The following RBFOX1 variants were observed in gnomAD, a reference collection of about 807,000 sequenced individuals.
RBFOX1 encodes RNA binding protein fox-1 homolog 1.
RBFOX1 carries 8 observed loss-of-function variants against 57.7 expected under a neutral mutation model. That is an observed-to-expected ratio of 0.14 (90% CI 0.08 to 0.25). RBFOX1 has a LOEUF of 0.25. Ranked by LOEUF, RBFOX1 falls within the 10% of genes least tolerant of loss-of-function variation. RBFOX1 has a pLI of 1.00. For missense variants in RBFOX1, 611 were observed against 548.5 expected (o/e 1.11, Z -1.14); for synonymous variants, 326 against 222.4 (o/e 1.47, Z -4.15).
At chr16:6,062,281 T>C (rs13338605) in intron 1 of RBFOX1, among the ~76,000 whole-genome samples, 3,582 of 143,522 alleles carry the variant, frequency 0.025, 148 homozygotes, top group African/African-American at 0.096. Context: ...GGTGATCAAC[T>C]CCATCTTTAG....
At chr16:6,561,082 C>A (rs1253556648) in intron 2 of RBFOX1, among the ~76,000 whole-genome samples, 1 of 152,132 alleles carries the variant, frequency 6.6e-6, no homozygotes, top group Non-Finnish European at 1.5e-5. Flanking sequence ...AGCTGTTTTT[C>A]ATTAGTGCTG....
intron 3 of RBFOX1, among the ~76,000 whole-genome samples, chr16:5,692,945 A>G (rs1284927950): frequency 1.3e-5 from 2 of 152,240 alleles, no homozygotes; most frequent in Non-Finnish European, 2.9e-5. Context: ...TCTGAGACAG[A>G]AGCATTTAGA....
chr16:5,336,338 C>A (rs1414757146), intron 1 of RBFOX1, among the ~76,000 whole-genome samples: 1 of 152,122 alleles, frequency 6.6e-6, no homozygotes, highest in Non-Finnish European at 1.5e-5. Context: ...ACAGGCTGTT[C>A]CTCATTATTT....
chr16:6,248,940 T>C (rs1165644423), intron 1 of RBFOX1, among the ~76,000 whole-genome samples: 1 of 152,136 alleles, frequency 6.6e-6, no homozygotes, highest in Non-Finnish European at 1.5e-5. Context: ...CTGGGTGCTT[T>C]CTATGTACGA....
chr16:7,393,670 C>G (rs2098086104), intron 4 of RBFOX1, among the ~76,000 whole-genome samples: 2 of 152,106 alleles, frequency 1.3e-5, no homozygotes, highest in South Asian at 4.1e-4. Flanking sequence ...CTGGATTATT[C>G]ATTGTGCCAA....
At chr16:6,875,901 G>C (rs1350989866) in intron 3 of RBFOX1, among the ~76,000 whole-genome samples, 2 of 152,300 alleles carry the variant, frequency 1.3e-5, no homozygotes, top group South Asian at 2.1e-4. Flanking sequence ...GAAGGGCTGA[G>C]GTGGGAGGAT....
At chr16:6,783,586 C>G (rs771678371) in intron 3 of RBFOX1, among the ~76,000 whole-genome samples, 1 of 151,944 alleles carries the variant, frequency 6.6e-6, no homozygotes, top group Non-Finnish European at 1.5e-5. Context: ...CTATCTCTGT[C>G]TTTTTTACTG....
chr16:5,791,492 A>T (rs560637929), intron 3 of RBFOX1, among the ~76,000 whole-genome samples: 1 of 152,138 alleles, frequency 6.6e-6, no homozygotes, highest in African/African-American at 2.4e-5. Flanking sequence ...GTAATGGTCT[A>T]TCGTGTTCAT....
intron 2 of RBFOX1, among the ~76,000 whole-genome samples, chr16:6,634,078 TAC>T (rs766851606): frequency 4.1e-5 from 6 of 144,686 alleles, no homozygotes; most frequent in African/African-American, 1.3e-4. Context: ...CACACACACA[TAC>T]ACACACACAT....
chr16:5,505,300 C>T (rs943704436), intron 2 of RBFOX1, among the ~76,000 whole-genome samples: 1 of 152,170 alleles, frequency 6.6e-6, no homozygotes, highest in African/African-American at 2.4e-5. Flanking sequence ...TGGCAGAAAC[C>T]ATTGAACCAA....
intron 3 of RBFOX1, among the ~76,000 whole-genome samples, chr16:6,782,675 G>T (rs192222273): frequency 6.6e-6 from 1 of 152,246 alleles, no homozygotes; most frequent in East Asian, 1.9e-4. Context: ...AATATTTTAT[G>T]TGCCCATGAG....
intron 4 of RBFOX1, among the ~76,000 whole-genome samples, chr16:7,226,965 T>TTTTATGTAA (rs1357793881): frequency 5.9e-5 from 9 of 152,232 alleles, no homozygotes; most frequent in Non-Finnish European, 1.2e-4. Context: ...TGTAAGAATA[T>TTTTATGTAA]GAATTTCTGG....
chr16:5,944,119 A>G (rs1006964736), intron 4 of RBFOX1, among the ~76,000 whole-genome samples: 2 of 152,232 alleles, frequency 1.3e-5, no homozygotes, highest in African/African-American at 4.8e-5. Flanking sequence ...TGGACACAGT[A>G]GTGAACAAGC....
chr16:7,043,992 A>G (rs979194466), intron 3 of RBFOX1, among the ~76,000 whole-genome samples: 2 of 152,176 alleles, frequency 1.3e-5, no homozygotes, highest in African/African-American at 4.8e-5. Flanking sequence ...GCCACCTCCT[A>G]TGCACTGCAA....
At chr16:6,861,713 C>G (rs527948706) in intron 3 of RBFOX1, among the ~76,000 whole-genome samples, 1 of 151,438 alleles carries the variant, frequency 6.6e-6, no homozygotes, top group Non-Finnish European at 1.5e-5. Flanking sequence ...TTGGAAGGCC[C>G]GGAAGTCTTC....
intron 2 of RBFOX1, among the ~76,000 whole-genome samples, chr16:6,649,582 C>G (rs182550766): frequency 6.6e-6 from 1 of 152,182 alleles, no homozygotes; most frequent in Admixed American, 6.5e-5. Flanking sequence ...TTCCTCATCG[C>G]TTAGCTCCCA....
rs149431535 is a variant in RBFOX1, at chr16:6,600,723, T to G, written c.-63-53880T>G. 2.8e-3 allele frequency among the ~76,000 whole-genome samples: 427 copies of G among 152,288 alleles called. 4 individuals carry two copies. Among genetic ancestry groups the G allele is most frequent in the African/African-American group, 9.9e-3 (411 of 41,552 alleles). On this transcript the variant is annotated intron_variant, in intron 2 of 15. Transcript: ENST00000550418. ...TACCATTTAGGAAACAGCCCCGTTA[T>G]GAAACATTTGTCCTCACAGACAGAC...
intron 3 of RBFOX1, among the ~76,000 whole-genome samples, chr16:5,842,369 G>A (rs2151848863): frequency 6.6e-6 from 1 of 152,228 alleles, no homozygotes. Context: ...TCTCTCTGTG[G>A]GAAATCACAA....
chr16:6,653,950 A>G (rs79619927), intron 2 of RBFOX1, among the ~76,000 whole-genome samples: 8,184 of 139,804 alleles, frequency 0.059, 257 homozygotes, highest in African/African-American at 0.063. Context: ...TAGAGGGTGG[A>G]TGAAGGATGG....
Sources: allele counts gnomAD v4.1 joint callset (sites outside exome capture counted in the v4.1 genomes callset), GRCh38; gene constraint gnomAD v4.1.1; transcripts MANE v1.5; gene names NCBI Gene and HGNC (gene_info 2026-07-23, HGNC 2026-07-21).